The following RB1 variants were observed in gnomAD, a reference collection of about 807,000 sequenced individuals.
RB1 encodes RB transcriptional corepressor 1, also known as retinoblastoma-associated protein.
Under a neutral mutation model 135.4 loss-of-function variants are expected in RB1, and 18 were observed. The observed-to-expected ratio is 0.13, with a 90% confidence interval of 0.09 to 0.20. The LOEUF (loss-of-function observed/expected upper bound fraction) is 0.20, where lower values mean the gene tolerates loss of function less well. Ranked by LOEUF, RB1 falls within the 10% of genes least tolerant of loss-of-function variation. The pLI is 1.00. For missense variants in RB1, 868 were observed against 1,110.0 expected, an observed-to-expected ratio of 0.78 and a Z score of 3.10; for synonymous variants, 365 against 373.2, an observed-to-expected ratio of 0.98 and a Z score of 0.25.
rs182896768 is a variant in RB1 at position 48,394,388 on chromosome 13, T to C, written c.1695+12945T>C. ...TTTCGTACTCCAGTGGTGCCTGGAA[T>C]GACAGCGAGTTAGAACCATTCACTC... On this transcript the variant is annotated intron_variant, in intron 17 of 26. Coordinates refer to ENST00000267163, the MANE Select transcript of RB1 (RefSeq NM_000321.3). Among the ~76,000 whole-genome samples the C allele has an allele frequency of 5.5e-3, 845 of 152,256 alleles. 5 individuals are homozygous for C. The highest frequency in any genetic ancestry group is 0.01 in the Middle Eastern group (3 of 294).
Position 48,443,205 on chromosome 13 carries a change from TA to T in RB1, c.1696-9780del, listed in dbSNP as rs575202760. Among the ~76,000 whole-genome samples the T allele has an allele frequency of 1.0e-3, 151 of 151,452 alleles. 2 individuals carry two copies. The South Asian group carries it at 0.021, about 21-fold the overall frequency. On this transcript the variant is annotated intron_variant, in intron 17 of 26. Coordinates refer to ENST00000267163, the MANE Select transcript of RB1 (RefSeq NM_000321.3). ...GAAAGGATTACTGTTTTGAAAGACT[TA>T]AAAAAAATGCTTAGCTATTTTTTAG...
intron 17 of RB1, among the ~76,000 whole-genome samples, chr13:48,393,498 G>T (rs1948626074): frequency 6.6e-6 from 1 of 152,166 alleles, no homozygotes; most frequent in African/African-American, 2.4e-5. Flanking sequence ...TGTGTAAAAA[G>T]AATTCTTTTA....
Position 48,319,832 on chromosome 13 carries a change from C to A in RB1, c.264+12426C>A. On this transcript the variant is annotated intron_variant, in intron 2 of 26. Coordinates refer to ENST00000267163, the MANE Select transcript of RB1 (RefSeq NM_000321.3). This position sits in a 1 kb window ranked among gnomAD's most constrained non-coding sequence, Gnocchi z 5.0. ...GCCTTAATGCTCTGCTCGAAGGAGT[C>A]GTTGCTGCTCGCTCTGACCGGGAAG... is the stretch of plus-strand genomic sequence containing the variant. 1.2e-5 allele frequency: 4 copies of A among 321,670 alleles called. No homozygotes were observed. The highest frequency in any genetic ancestry group is 1.1e-4 in the South Asian group (3 of 26,314). 19.9% of individuals were successfully genotyped at this position (321,670 alleles called of 1,614,324 possible). A position where few individuals can be genotyped will look rare whatever the true frequency, so the allele number is the denominator to read the frequency against.
Position 48,370,149 on chromosome 13 carries a change from C to T in RB1, c.1127+1545C>T, listed in dbSNP as rs4151505. On this transcript the variant is annotated intron_variant, in intron 11 of 26. Coordinates refer to ENST00000267163, the MANE Select transcript of RB1 (RefSeq NM_000321.3). ...TTTTGAAACATGCAAAGGCCTGTGT[C>T]ACAGGATAAAGATTTTAGGGAGTGG... 5.2e-3 allele frequency among the ~76,000 whole-genome samples: 784 copies of T among 152,222 alleles called. 4 individuals carry two copies. The highest frequency in any genetic ancestry group is 8.2e-3 in the Non-Finnish European group (555 of 68,012).
At position 48,463,716 on chromosome 13, in the gene RB1, C is replaced by A. The variant is rs762781001; in HGVS notation, c.2107-15C>A. ...AATAAAATTCTGACTACTTTTACAT[C>A]AATTTATTTACTAGATTATGATGTG... On this transcript the variant is annotated splice_polypyrimidine_tract_variant and intron_variant, in intron 20 of 26. Coordinates refer to ENST00000267163, the MANE Select transcript of RB1 (RefSeq NM_000321.3). 7 of 1,389,496 alleles carry A rather than the reference C, an allele frequency of 5.0e-6. No individual in the cohort carries two copies. Among genetic ancestry groups the A allele is most frequent in the South Asian group, 1.2e-5 (1 of 86,210 alleles). The allele number at this position is 1,389,496 out of a possible 1,614,324, so 86.1% of individuals were successfully genotyped here.
intron 19 of RB1, among the ~76,000 whole-genome samples, chr13:48,457,563 G>A (rs1158080196): frequency 6.6e-6 from 1 of 152,204 alleles, no homozygotes; most frequent in African/African-American, 2.4e-5. Flanking sequence ...TGGCCTGAAG[G>A]TGGGGCCTCA....
intron 20 of RB1, among the ~76,000 whole-genome samples, chr13:48,461,131 C>A (rs1321549059): frequency 6.6e-6 from 1 of 152,028 alleles, no homozygotes; most frequent in East Asian, 1.9e-4. Context: ...TGTATCACAC[C>A]AGAAAGAAAC....
intron 4 of RB1, 66 bp from the exon 5 acceptor site, chr13:48,347,759 G>T: frequency 1.8e-6 from 2 of 1,090,408 alleles, no homozygotes; most frequent in Admixed American, 1.9e-5. Context: ...AATAAAGCAT[G>T]AGAAAACTAC....
chr13:48,311,958 C>T (rs1952134533), intron 2 of RB1, among the ~76,000 whole-genome samples: 1 of 152,212 alleles, frequency 6.6e-6, no homozygotes, highest in Non-Finnish European at 1.5e-5. Context: ...CCCTCGGCCT[C>T]CCAAAGTGCT....
chr13:48,354,999 C>A (rs1244402020), intron 6 of RB1, among the ~76,000 whole-genome samples: 1 of 151,956 alleles, frequency 6.6e-6, no homozygotes, highest in Non-Finnish European at 1.5e-5. Context: ...TCCAGGACAT[C>A]AGTCTGGGCA....
At chr13:48,327,124 C>A (rs989008644) in intron 2 of RB1, among the ~76,000 whole-genome samples, 2 of 151,926 alleles carry the variant, frequency 1.3e-5, no homozygotes, top group African/African-American at 4.8e-5. Context: ...TAATTTAAAT[C>A]CTTGGACAAA....
chr13:48,392,961 T>G (rs1948622426), intron 17 of RB1, among the ~76,000 whole-genome samples: 1 of 152,214 alleles, frequency 6.6e-6, no homozygotes, highest in Admixed American at 6.5e-5. Context: ...TTTATTTATT[T>G]ATCTGGTTTT....
At chr13:48,412,257 A>G (rs1341321681) in intron 17 of RB1, 8 of 1,614,046 alleles carry the variant, frequency 5.0e-6, no homozygotes, top group African/African-American at 2.7e-5. Flanking sequence ...CAAGTTAATC[A>G]TGTAAGTTGT....
intron 19 of RB1, among the ~76,000 whole-genome samples, chr13:48,457,511 C>T (rs534795613): frequency 6.6e-6 from 1 of 152,318 alleles, no homozygotes; most frequent in South Asian, 2.1e-4. Flanking sequence ...CACTCCTGTC[C>T]GTGGGACTGG....
intron 2 of RB1, chr13:48,328,381 TCTGA>T: frequency 6.5e-7 from 1 of 1,531,392 alleles, no homozygotes; most frequent in Non-Finnish European, 9.0e-7. Flanking sequence ...TTCTTTGTCG[TCTGA>T]CTACCTATGG....
chr13:48,396,037 G>A (rs1488023266), intron 17 of RB1, among the ~76,000 whole-genome samples: 1 of 152,128 alleles, frequency 6.6e-6, no homozygotes, highest in Non-Finnish European at 1.5e-5. Flanking sequence ...GCTCATGGAT[G>A]GGAAAAATTA....
rs1345500283 is a variant in RB1, at chr13:48,440,234, C to T, written c.1696-12759C>T. ...AGCCATATCAGGAAATAGGAGTTTACAGTATAAAATATAACCGAAAACTAA... is the reference window on the plus strand; with the variant it reads ...AGCCATATCAGGAAATAGGAGTTTATAGTATAAAATATAACCGAAAACTAA... On this transcript the variant is annotated intron_variant, in intron 17 of 26. Transcript: ENST00000267163. Among the ~76,000 whole-genome samples, 3 of 152,102 alleles carry T rather than the reference C, an allele frequency of 2.0e-5. No homozygotes were observed. In the East Asian group the frequency reaches 5.8e-4, roughly 29 times the overall value.
At chr13:48,320,037 CCCCGGG>C (rs1952220888) in intron 2 of RB1, 1 of 488,524 alleles carries the variant, frequency 2.0e-6, no homozygotes, top group African/African-American at 2.0e-5. Context: ...CCCCTGCCAG[CCCCGGG>C]CTGTGCGGCT....
chr13:48,382,122 T>C (rs902726970), intron 17 of RB1, among the ~76,000 whole-genome samples: 5 of 152,238 alleles, frequency 3.3e-5, no homozygotes, highest in Non-Finnish European at 7.3e-5. Context: ...GTTGGACATT[T>C]GGGTTGCTTC....
Sources: allele counts gnomAD v4.1 joint callset (sites outside exome capture counted in the v4.1 genomes callset), GRCh38; gene constraint gnomAD v4.1.1; non-coding constraint Gnocchi (gnomAD v3.1); transcripts MANE v1.5; gene names NCBI Gene and HGNC (gene_info 2026-07-23, HGNC 2026-07-21).